PRORP: variants seen among roughly 807,000 people sequenced by gnomAD.
The protein encoded by PRORP is protein only RNase P catalytic subunit.
Under a neutral mutation model 59.4 loss-of-function variants are expected in PRORP, and 51 were observed. The observed-to-expected ratio is 0.86, with a 90% CI of 0.69 to 1.08. PRORP has a LOEUF of 1.08. Among genes scored for constraint, PRORP ranks in the 50% least tolerant of loss-of-function variants. PRORP has a pLI of 0.00. For synonymous variants in PRORP, 231 were observed against 245.6 expected (o/e 0.94, Z 0.55); for missense variants, 646 against 690.3 (o/e 0.94, Z 0.72).
chr14:35,174,276 T>C (rs995997704), intron 4 of PRORP, among the ~76,000 whole-genome samples: 1 of 152,148 alleles, frequency 6.6e-6, no homozygotes, highest in Non-Finnish European at 1.5e-5. Flanking sequence ...CTTTGGTACT[T>C]TGAAATAGTT....
intron 5 of PRORP, among the ~76,000 whole-genome samples, chr14:35,206,032 A>G (rs17103097): frequency 0.1 from 15,596 of 152,248 alleles, 889 homozygotes; most frequent in African/African-American, 0.15. Flanking sequence ...TTGTTTTAGA[A>G]ATCGCAACAT....
intron 4 of PRORP, chr14:35,159,089 G>T: frequency 5.0e-6 from 1 of 201,920 alleles, no homozygotes; most frequent in South Asian, 7.5e-5. Flanking sequence ...ATCAGCAGTG[G>T]ATCTCGCACT....
intron 4 of PRORP, among the ~76,000 whole-genome samples, chr14:35,149,085 A>T (rs2047680737): frequency 6.7e-6 from 1 of 148,262 alleles, no homozygotes; most frequent in South Asian, 2.2e-4. Flanking sequence ...CGCCCGGCTA[A>T]TTTTTTTGTA....
At chr14:35,236,809 C>T (rs1005639125) in intron 5 of PRORP, among the ~76,000 whole-genome samples, 1 of 149,404 alleles carries the variant, frequency 6.7e-6, no homozygotes, top group Non-Finnish European at 1.5e-5. Context: ...ATGTCCAAAA[C>T]TGAACTTGCC....
intron 4 of PRORP, among the ~76,000 whole-genome samples, chr14:35,149,141 G>C (rs1378598840): frequency 6.7e-6 from 1 of 150,252 alleles, no homozygotes; most frequent in African/African-American, 2.5e-5. Context: ...GGATGGTCTC[G>C]ATCTCCTGAC....
At chr14:35,219,718 C>A (rs1050784552) in intron 5 of PRORP, among the ~76,000 whole-genome samples, 2 of 151,752 alleles carry the variant, frequency 1.3e-5, no homozygotes, top group African/African-American at 2.4e-5. Context: ...CTGGCAAATT[C>A]TTGTATGCCT....
Position 35,177,215 on chromosome 14 carries a change from G to C in PRORP, c.1168-3455G>C, listed in dbSNP as rs1220183507. Among the ~76,000 whole-genome samples, 4 of 151,990 alleles carry C rather than the reference G, an allele frequency of 2.6e-5. No homozygotes were observed. In the East Asian group the frequency reaches 7.7e-4, roughly 29 times the overall value. ...GGTCTAAAATTTCTCTTTTTTTGTT[G>C]TGTCTCTGCCAGACTTTGGTATCAG... On this transcript the variant is annotated intron_variant, in intron 4 of 7. Coordinates refer to ENST00000534898, the MANE Select transcript of PRORP (RefSeq NM_014672.4).
chr14:35,230,050 C>CTTTTTTTTTTTTTTTTTTT (rs35309046), intron 5 of PRORP, among the ~76,000 whole-genome samples: 2 of 109,138 alleles, frequency 1.8e-5, no homozygotes, highest in African/African-American at 3.3e-5. Flanking sequence ...ACTGTAAATT[C>CTTTTTTTTTTTTTTTTTTT]TTTTTTTTTT....
At chr14:35,192,935 G>A (rs985525709) in intron 5 of PRORP, among the ~76,000 whole-genome samples, 2 of 151,416 alleles carry the variant, frequency 1.3e-5, no homozygotes, top group African/African-American at 4.9e-5. Context: ...CAGAGGTTGA[G>A]TGAGCCTAGA....
chr14:35,194,540 A>C (rs1252081558), intron 5 of PRORP, among the ~76,000 whole-genome samples: 2 of 152,022 alleles, frequency 1.3e-5, no homozygotes, highest in Non-Finnish European at 2.9e-5. Flanking sequence ...TCGGGGGATG[A>C]GGGGCTAGGG....
At chr14:35,233,823 A>G (rs1229189579) in intron 5 of PRORP, among the ~76,000 whole-genome samples, 1 of 152,006 alleles carries the variant, frequency 6.6e-6, no homozygotes, top group Non-Finnish European at 1.5e-5. Context: ...ATTTATGTTC[A>G]GTAAATGTGC....
At chr14:35,129,081 G>A (rs2047169813) in intron 4 of PRORP, among the ~76,000 whole-genome samples, 1 of 151,586 alleles carries the variant, frequency 6.6e-6, no homozygotes, top group African/African-American at 2.4e-5. Flanking sequence ...GGCGGCGCAC[G>A]CTGGTAATCC....
At chr14:35,181,677 C>T (rs933122400) in intron 5 of PRORP, among the ~76,000 whole-genome samples, 1 of 148,568 alleles carries the variant, frequency 6.7e-6, no homozygotes, top group African/African-American at 2.5e-5. Context: ...CCCAGCTACT[C>T]GGGAGGCTGA....
intron 5 of PRORP, chr14:35,235,358 T>TG (rs2050184379): frequency 1.0e-5 from 7 of 702,084 alleles, no homozygotes; most frequent in Non-Finnish European, 2.6e-6. Context: ...CGAGTTAACC[T>TG]GTGTAAAGTT....
chr14:35,184,930 G>A (rs1280248434), intron 5 of PRORP, among the ~76,000 whole-genome samples: 3 of 152,206 alleles, frequency 2.0e-5, no homozygotes, highest in East Asian at 3.9e-4. Context: ...TCATTGATGG[G>A]CATTTAGGTT....
At chr14:35,245,467 A>AC (rs1444351912) in intron 5 of PRORP, among the ~76,000 whole-genome samples, 4 of 151,898 alleles carry the variant, frequency 2.6e-5, no homozygotes, top group African/African-American at 9.7e-5. Flanking sequence ...ACATGGTGAG[A>AC]CCCCCATCTC....
At chr14:35,180,151 A>C (rs1189723621) in intron 4 of PRORP, among the ~76,000 whole-genome samples, 1 of 151,932 alleles carries the variant, frequency 6.6e-6, no homozygotes, top group Non-Finnish European at 1.5e-5. Context: ...TACTTGGGCT[A>C]CTCGGGGGTC....
Position 35,211,777 on chromosome 14 carries a change from G to A in PRORP, c.1275+31000G>A, listed in dbSNP as rs567998851. 9.9e-5 allele frequency among the ~76,000 whole-genome samples: 15 copies of A among 152,266 alleles called. 1 individual carries two copies. In the South Asian group the frequency reaches 1.0e-3, roughly 11 times the overall value. ...CTCAGTGTTGATGGCTGCTGATAGG[G>A]TGGTTGTTGCTGACAGTTGGGGTGG... On this transcript the variant is annotated intron_variant, in intron 5 of 7. Coordinates refer to ENST00000534898, the MANE Select transcript of PRORP (RefSeq NM_014672.4).
chr14:35,249,539 T>A (rs1379580099), intron 5 of PRORP, among the ~76,000 whole-genome samples: 1 of 152,104 alleles, frequency 6.6e-6, no homozygotes, highest in African/African-American at 2.4e-5. Flanking sequence ...CAATGAACCA[T>A]GATCATGCCA....
Sources: allele counts gnomAD v4.1 joint callset (sites outside exome capture counted in the v4.1 genomes callset), GRCh38; gene constraint gnomAD v4.1.1; transcripts MANE v1.5; gene names NCBI Gene and HGNC (gene_info 2026-07-23, HGNC 2026-07-21).